Variants in IGSF5 observed in about 807,000 individuals in gnomAD.
IGSF5 encodes immunoglobulin superfamily 5 like.
A neutral mutation model predicts 39.4 loss-of-function variants in IGSF5; 41 were observed. That is an observed-to-expected ratio of 1.04 (90% CI 0.81 to 1.35). The LOEUF (loss-of-function observed/expected upper bound fraction) is 1.35. Among genes scored for constraint, IGSF5 ranks in the 40% most tolerant of loss-of-function variants. The pLI is 0.00. For missense variants in IGSF5, 487 were observed against 494.6 expected (o/e 0.98, Z 0.15); for synonymous variants, 183 against 175.3 (o/e 1.04, Z -0.34).
At chr21:39,749,420 C>G (rs1243155910) in intron 2 of IGSF5, among the ~76,000 whole-genome samples, 1 of 152,186 alleles carries the variant, frequency 6.6e-6, no homozygotes, top group Non-Finnish European at 1.5e-5. Context: ...GCCATGTTGG[C>G]CAGGCTGGTC....
chr21:39,789,720 T>C (rs1425717419), intron 6 of IGSF5, among the ~76,000 whole-genome samples: 1 of 152,240 alleles, frequency 6.6e-6, no homozygotes, highest in Non-Finnish European at 1.5e-5. Flanking sequence ...CACACTTCTA[T>C]AGTTCCAAAG....
chr21:39,712,865 T>C, the IGSF5 span, among the ~76,000 whole-genome samples: 2 of 152,166 alleles, frequency 1.3e-5, no homozygotes, highest in Non-Finnish European at 2.9e-5. Flanking sequence ...ACTTTGAATT[T>C]TTCTTCTTGT....
chr21:39,797,447 G>GACCTCAGGTGACCTGCCC (rs1392602674), intron 8 of IGSF5, among the ~76,000 whole-genome samples: 1 of 152,104 alleles, frequency 6.6e-6, no homozygotes, highest in African/African-American at 2.4e-5. Flanking sequence ...TCGAACTCCT[G>GACCTCAGGTGACCTGCCC]ACCTCAGGTG....
At chr21:39,724,911 G>C in the IGSF5 span, among the ~76,000 whole-genome samples, 7 of 152,188 alleles carry the variant, frequency 4.6e-5, no homozygotes, top group Non-Finnish European at 8.8e-5. Context: ...GCATTAATCT[G>C]TTATTTGAGG....
chr21:39,799,770 T>G (rs576942961), intron 8 of IGSF5, among the ~76,000 whole-genome samples: 1 of 152,222 alleles, frequency 6.6e-6, no homozygotes, highest in East Asian at 1.9e-4. Context: ...CACTCTTAAT[T>G]AACCCTTCCA....
At chr21:39,745,741 T>G (rs1482866923) in intron 1 of IGSF5, among the ~76,000 whole-genome samples, 1 of 152,162 alleles carries the variant, frequency 6.6e-6, no homozygotes, top group Non-Finnish European at 1.5e-5. Context: ...CTTCCCCAGA[T>G]AGCCTCACAC....
chr21:39,795,901 T>G (rs458406), intron 8 of IGSF5, among the ~76,000 whole-genome samples: 120,970 of 151,962 alleles, frequency 0.8, 48,300 homozygotes, highest in Admixed American at 0.84. Context: ...ATTATCTTTG[T>G]CTGGGCTAGA....
At chr21:39,767,394 C>T (rs1362693971) in intron 3 of IGSF5, among the ~76,000 whole-genome samples, 1 of 152,146 alleles carries the variant, frequency 6.6e-6, no homozygotes, top group East Asian at 1.9e-4. Flanking sequence ...CCAGAGTGGT[C>T]TAGTGGTCAG....
At chr21:39,722,054 G>A in the IGSF5 span, among the ~76,000 whole-genome samples, 3 of 152,200 alleles carry the variant, frequency 2.0e-5, no homozygotes, top group African/African-American at 7.2e-5. Context: ...CTGTCTGATG[G>A]AACTTTACAC....
At chr21:39,783,228 A>G (rs1436084883) in intron 5 of IGSF5, among the ~76,000 whole-genome samples, 2 of 152,156 alleles carry the variant, frequency 1.3e-5, no homozygotes, top group African/African-American at 4.8e-5. Context: ...CAATTCTTTG[A>G]GATACCCAGA....
chr21:39,752,012 T>C (rs2080008105), intron 2 of IGSF5, among the ~76,000 whole-genome samples: 1 of 152,182 alleles, frequency 6.6e-6, no homozygotes, highest in Admixed American at 6.5e-5. Context: ...TTTCTTCTTT[T>C]TTTCTTTACT....
the IGSF5 span, among the ~76,000 whole-genome samples, chr21:39,714,674 T>C: frequency 6.6e-6 from 1 of 152,248 alleles, no homozygotes; most frequent in Non-Finnish European, 1.5e-5. Flanking sequence ...CTGGGGTCTG[T>C]GCCTTCTTCT....
At chr21:39,715,206 C>T in the IGSF5 span, among the ~76,000 whole-genome samples, 1 of 152,176 alleles carries the variant, frequency 6.6e-6, no homozygotes, top group African/African-American at 2.4e-5. Flanking sequence ...CAAACTCCAC[C>T]TCCCTGGCTC....
rs140305906 is a variant in IGSF5 at position 39,760,827 on chromosome 21, A to C, written c.101-4708A>C. 9.2e-5 allele frequency among the ~76,000 whole-genome samples: 14 copies of C among 152,216 alleles called. No individual in the cohort carries two copies. The East Asian group carries it at 1.7e-3, about 19-fold the overall frequency. On this transcript the variant is annotated intron_variant, in intron 2 of 8. Coordinates refer to ENST00000380588, the MANE Select transcript of IGSF5 (RefSeq NM_001080444.2). ...CCTCATGATCCGCCCACCTCGGCCTACCAAAGTGCTGGGATTACAGGCATG... is the reference window on the plus strand; with the variant it reads ...CCTCATGATCCGCCCACCTCGGCCTCCCAAAGTGCTGGGATTACAGGCATG...
the IGSF5 span, among the ~76,000 whole-genome samples, chr21:39,723,662 A>G: frequency 5.8e-4 from 89 of 152,324 alleles, no homozygotes; most frequent in Non-Finnish European, 3.4e-4. Flanking sequence ...TATAAAGGTT[A>G]TGGGTCAAAA....
intron 3 of IGSF5, among the ~76,000 whole-genome samples, chr21:39,767,433 G>T (rs1039090529): frequency 1.3e-5 from 2 of 152,112 alleles, no homozygotes; most frequent in African/African-American, 2.4e-5. Flanking sequence ...TGGCTGCCTG[G>T]GTCCATGTTA....
At chr21:39,767,873 T>TTGGAGA (rs2080094533) in intron 3 of IGSF5, among the ~76,000 whole-genome samples, 1 of 152,184 alleles carries the variant, frequency 6.6e-6, no homozygotes, top group Admixed American at 6.5e-5. Context: ...GAGATGTGCC[T>TTGGAGA]TCCAGGTCTG....
chr21:39,768,309 C>A (rs2146281302), intron 3 of IGSF5, among the ~76,000 whole-genome samples: 1 of 152,220 alleles, frequency 6.6e-6, no homozygotes, highest in African/African-American at 2.4e-5. Flanking sequence ...GAGGAAACAA[C>A]CATGAATTAT....
Position 39,771,102 on chromosome 21 carries a change from T to C in IGSF5, c.605T>C (p.Ile202Thr). Residue 202 changes from isoleucine (I) to threonine (T), a missense_variant, in exon 4 of 9, where the codon ATC becomes ACC. Physicochemically the swap from Ile to Thr is moderately conservative, Grantham distance 89. Transcript: ENST00000380588. The part of the protein sequence containing the change: ...EPSDLQSAVS[I>T]LALTPQSNGT... Reference sequence around the variant, plus strand: ...AGCGACCTTCAAAGTGCAGTGAGCATCCTGGCTCTGACCCCACAGAGCAAT... The same window carrying C: ...AGCGACCTTCAAAGTGCAGTGAGCACCCTGGCTCTGACCCCACAGAGCAAT... 6.2e-7 allele frequency: 1 copy of C among 1,613,592 alleles called. No individual in the cohort carries two copies. The highest frequency in any genetic ancestry group is 8.5e-7 in the Non-Finnish European group (1 of 1,179,804).
Sources: gnomAD v4.1 joint callset for allele counts (sites outside exome capture counted in the v4.1 genomes callset) on GRCh38, gnomAD v4.1.1 for gene constraint, MANE v1.5 for transcripts, NCBI Gene and HGNC (gene_info 2026-07-23, HGNC 2026-07-21) for gene names.